The following WHAMM variants were observed in gnomAD, a reference collection of about 807,000 sequenced individuals.
WHAMM encodes WASP homolog associated with actin, golgi membranes and microtubules.
WHAMM carries 67 observed loss-of-function variants against 76.5 expected under a neutral mutation model. The observed-to-expected ratio is 0.88, with a 90% CI of 0.72 to 1.07. The LOEUF (loss-of-function observed/expected upper bound fraction) is 1.07. WHAMM is among the 50% of genes least tolerant of loss of function. WHAMM has a pLI of 0.00. For synonymous variants in WHAMM, 419 were observed against 422.1 expected (o/e 0.99, Z 0.09); for missense variants, 1,021 against 1,051.1 (o/e 0.97, Z 0.40).
At chr15:82,825,281 G>C (rs1016545079) in intron 6 of WHAMM, among the ~76,000 whole-genome samples, 3 of 152,066 alleles carry the variant, frequency 2.0e-5, no homozygotes, top group Non-Finnish European at 1.5e-5. Context: ...AAACCCATGA[G>C]CCCCAGGAAG....
At chr15:82,812,612 C>T (rs1484496696) in intron 1 of WHAMM, among the ~76,000 whole-genome samples, 1 of 152,186 alleles carries the variant, frequency 6.6e-6, no homozygotes, top group Non-Finnish European at 1.5e-5. Flanking sequence ...AACCTCAAAC[C>T]TTCTTTTGGG....
chr15:82,816,978 CGTT>C (rs1596279587), intron 3 of WHAMM, 136 bp downstream of exon 3: 12 of 849,984 alleles, frequency 1.4e-5, no homozygotes, highest in East Asian at 8.4e-5. Context: ...CGTTAAGAGA[CGTT>C]GTACAGTCTG....
chr15:82,822,437 A>T (rs1399985372), intron 5 of WHAMM, among the ~76,000 whole-genome samples: 1 of 152,144 alleles, frequency 6.6e-6, no homozygotes, highest in Non-Finnish European at 1.5e-5. Flanking sequence ...TTATCTTTTT[A>T]AATTTTTTTT....
At chr15:82,822,522 C>G (rs2050845379) in intron 5 of WHAMM, among the ~76,000 whole-genome samples, 1 of 152,236 alleles carries the variant, frequency 6.6e-6, no homozygotes, top group Admixed American at 6.5e-5. Context: ...ACTGCAACCT[C>G]TGCCTCCCAG....
At chr15:82,826,268 C>CAGTA in intron 6 of WHAMM, 142 bp from the exon 7 acceptor site, 1 of 748,430 alleles carries the variant, frequency 1.3e-6, no homozygotes, top group Non-Finnish European at 2.2e-6. Context: ...GCGGAGGAGA[C>CAGTA]AGTACCATTG....
chr15:82,815,111 T>TTATATATATATATATA (rs147147568), intron 2 of WHAMM, among the ~76,000 whole-genome samples: 15 of 49,618 alleles, frequency 3.0e-4, no homozygotes, highest in Non-Finnish European at 3.5e-4. Flanking sequence ...CTCACAGATT[T>TTATATATATATATATA]TATATATATA....
At position 82,833,617 on chromosome 15, in the gene WHAMM, C is replaced by T. The variant is rs552304358; in HGVS notation, c.*81C>T. The stretch of plus-strand genomic sequence containing the variant: ...TTAGACCTATCGAAAAGCATACTAA[C>T]AGGGTGCTGATAGATGGGCCACATA... On this transcript the variant is annotated 3_prime_UTR_variant, in exon 10 of 10. Transcript: ENST00000286760. 2.6e-4 allele frequency: 375 copies of T among 1,450,888 alleles called. 3 individuals are homozygous for T. In the South Asian group the frequency reaches 3.2e-3, roughly 12 times the overall value. 89.9% of individuals were successfully genotyped at this position (1,450,888 alleles called of 1,614,324 possible). A position where few individuals can be genotyped will look rare whatever the true frequency, so the allele number is the denominator to read the frequency against.
At position 82,830,618 on chromosome 15, in the gene WHAMM, T is replaced by C. The variant is rs1240192656; in HGVS notation, c.1661T>C (p.Val554Ala). 3 of 1,613,118 alleles carry C rather than the reference T, an allele frequency of 1.9e-6. No individual in the cohort carries two copies. In the African/African-American group the frequency reaches 4.0e-5, roughly 22 times the overall value. Residue 554 changes from valine (V) to alanine (A), a missense_variant, in exon 9 of 10, where the codon GTC becomes GCC. Val to Ala is a moderately conservative substitution (Grantham distance 64). This residue lies in a region of WHAMM where 509 missense variants were observed against 492.3 expected (regional missense o/e 1.03). Coordinates refer to ENST00000286760, the MANE Select transcript of WHAMM (RefSeq NM_001080435.3). ...TTTCAGAAACGCCTAGCTCAATCTG[T>C]CCGAAACACCTCTGGCTCAGAACCT... ...SFKDKRLAQS[V>A]RNTSGSEPVA...
intron 9 of WHAMM, among the ~76,000 whole-genome samples, chr15:82,831,923 C>G (rs576080857): frequency 6.6e-6 from 1 of 152,224 alleles, no homozygotes; most frequent in Non-Finnish European, 1.5e-5. Context: ...CAGTTCCAAA[C>G]TGTGATTCTG....
Position 82,834,038 on chromosome 15 carries a change from C to CT in WHAMM, c.*512dup, listed in dbSNP as rs533547634. On this transcript the variant is annotated 3_prime_UTR_variant, in exon 10 of 10. Coordinates refer to ENST00000286760, the MANE Select transcript of WHAMM (RefSeq NM_001080435.3). ...ACAGGTGTGAGCCACCACGCCCAGC[C>CT]TTTTTTTTTTCTTTCTTTTGAGACA... 4.4e-3 allele frequency: 667 copies of CT among 150,570 alleles called. 4 individuals are homozygous for CT. Among genetic ancestry groups the CT allele is most frequent in the Middle Eastern group, 0.028 (8 of 290 alleles). The allele number at this position is 150,570 out of a possible 1,614,324, so 9.3% of individuals were successfully genotyped here.
chr15:82,826,383 T>G, intron 6 of WHAMM, 27 bp from the exon 7 acceptor site: 12 of 1,611,814 alleles, frequency 7.4e-6, no homozygotes, highest in Non-Finnish European at 1.0e-5. Context: ...TTAAAAACCA[T>G]GTAGGTGATT....
At chr15:82,831,222 A>G in intron 9 of WHAMM, 143 bp downstream of exon 9, 1 of 1,423,092 alleles carries the variant, frequency 7.0e-7, no homozygotes, top group African/African-American at 1.4e-5. Context: ...TGCTGCCTTG[A>G]GTATCATTAT....
intron 9 of WHAMM, 26 bp from the exon 10 acceptor site, chr15:82,833,203 T>G: frequency 6.2e-7 from 1 of 1,604,998 alleles, no homozygotes. Flanking sequence ...TTATTGATAG[T>G]ACTAGCTCTG....
Position 82,833,237 on chromosome 15 carries a change from G to A in WHAMM, c.2131G>A (p.Asp711Asn), listed in dbSNP as rs2151576060. 6.2e-7 allele frequency: 1 copy of A among 1,613,516 alleles called. No homozygotes were observed. The highest frequency in any genetic ancestry group is 8.5e-7 in the Non-Finnish European group (1 of 1,179,640). Residue 711 changes from aspartate to asparagine, a missense_variant, in exon 10 of 10, where the codon GAT (aspartate) becomes AAT (asparagine). This residue lies in a region of WHAMM where 509 missense variants were observed against 492.3 expected (regional missense o/e 1.03). Coordinates refer to ENST00000286760, the MANE Select transcript of WHAMM (RefSeq NM_001080435.3). Reference protein sequence around the residue: ...LESFSCPGSMDEVLASLRHGR... With the variant: ...LESFSCPGSMNEVLASLRHGR... ...TGCTTATTCAATTTCAGGATCTATG[G>A]ATGAAGTGTTGGCCTCCTTAAGGCA...
chr15:82,815,128 T>C (rs1303495748), intron 2 of WHAMM, among the ~76,000 whole-genome samples: 2 of 25,392 alleles, frequency 7.9e-5, no homozygotes, highest in African/African-American at 3.7e-4. Context: ...TATATATATA[T>C]ATATATATAT....
At chr15:82,828,939 C>T (rs2050982478) in intron 8 of WHAMM, among the ~76,000 whole-genome samples, 1 of 152,118 alleles carries the variant, frequency 6.6e-6, no homozygotes, top group Non-Finnish European at 1.5e-5. Context: ...GATGTATGGA[C>T]AGCGGCCATA....
Position 82,813,196 on chromosome 15 carries a change from G to A in WHAMM, c.703G>A (p.Ala235Thr). ...AGCATACCAGGAATTGGTTACCGTG[G>A]CAACCATGTTCTTCCAGTACTTATT... ...DEAYQELVTVATMFFQYLLQP... is the reference protein window; with the variant it reads ...DEAYQELVTVTTMFFQYLLQP... Residue 235 changes from alanine (A) to threonine (T), a missense_variant, in exon 2 of 10, where the codon GCA becomes ACA. Ala to Thr is a moderately conservative substitution (Grantham distance 58, BLOSUM62 0). Transcript: ENST00000286760. 6.2e-7 allele frequency: 1 copy of A among 1,613,018 alleles called. No individual in the cohort carries two copies. Among genetic ancestry groups the A allele is most frequent in the Non-Finnish European group, 8.5e-7 (1 of 1,179,500 alleles).
chr15:82,833,353 AG>A lies in WHAMM; in HGVS notation c.2251del (p.Val751SerfsTer3). 1 of 1,614,064 alleles carries A rather than the reference AG, an allele frequency of 6.2e-7. No homozygotes were observed. The highest frequency in any genetic ancestry group is 8.5e-7 in the Non-Finnish European group (1 of 1,179,906). On this transcript the variant is annotated frameshift_variant, in exon 10 of 10. Coordinates refer to ENST00000286760, the MANE Select transcript of WHAMM (RefSeq NM_001080435.3). LOFTEE classifies it low-confidence loss of function (END_TRUNC). ...NEHILAAIRQ[G>X]VKLKKVHPDL... ...AGCACATTCTGGCTGCCATAAGGCA[AG>A]GGGTCAAACTGAAGAAAGTTCACCC...
In WHAMM at chr15:82,815,111, TTATATATATATATATATA is replaced by T. The variant is rs147147568; in HGVS notation, c.784-1554_784-1537del. ...TGTTTTAAGATATCACTCACAGATT[TTATATATATATATATATA>T]TATATATATATATATATATATATAT... On this transcript the variant is annotated intron_variant, in intron 2 of 9. Transcript: ENST00000286760. Among the ~76,000 whole-genome samples the T allele has an allele frequency of 3.6e-4, 18 of 49,606 alleles. 1 individual carries two copies. The highest frequency in any genetic ancestry group is 2.2e-3 in the East Asian group (3 of 1,368). The allele number at this position is 49,606 out of a possible 152,430, so 32.5% of individuals were successfully genotyped here.
Sources: gnomAD v4.1 joint callset for allele counts (sites outside exome capture counted in the v4.1 genomes callset) on GRCh38, gnomAD v4.1.1 for gene constraint, gnomAD v4.1.1 regional missense constraint, MANE v1.5 for transcripts, NCBI Gene and HGNC (gene_info 2026-07-23, HGNC 2026-07-21) for gene names.